Variants in WIPF2 observed in about 807,000 individuals in gnomAD.
WIPF2 encodes the protein WAS/WASL-interacting protein family member 2.
WIPF2 carries 23 observed loss-of-function variants against 38.8 expected under a neutral mutation model. The observed-to-expected ratio is 0.59, with a 90% confidence interval of 0.43 to 0.84. The LOEUF is 0.84. Among genes scored for constraint, WIPF2 ranks in the 40% least tolerant of loss-of-function variants. The pLI, the probability that WIPF2 is intolerant of heterozygous loss-of-function variation, is 0.00. For missense variants in WIPF2, 574 were observed against 580.5 expected (o/e 0.99, Z 0.11); for synonymous variants, 210 against 223.2 (o/e 0.94, Z 0.53).
intron 5 of WIPF2, among the ~76,000 whole-genome samples, chr17:40,266,499 T>G (rs2032092060): frequency 6.6e-6 from 1 of 151,440 alleles, no homozygotes; most frequent in Non-Finnish European, 1.5e-5. Flanking sequence ...TTCAGTGGAG[T>G]GGTGGAGGGT....
At chr17:40,251,338 A>ATT (rs199868665) in intron 1 of WIPF2, among the ~76,000 whole-genome samples, 18 of 140,262 alleles carry the variant, frequency 1.3e-4, no homozygotes, top group African/African-American at 4.2e-4. Flanking sequence ...GTTTTGGTTC[A>ATT]TTTTTTTTTT....
rs1359102715 is a variant in WIPF2 at position 40,242,297 on chromosome 17, G to GT, written c.-69-14092dup. ...TGAGAAGATTGCTTGAGCCTGGGAG[G>GT]TTAAGGCTGCAGTGAGCTGTGATTG... is the stretch of plus-strand genomic sequence containing the variant. On this transcript the variant is annotated intron_variant, in intron 1 of 7. Transcript: ENST00000323571. Among the ~76,000 whole-genome samples the GT allele has an allele frequency of 2.6e-5, 4 of 152,176 alleles. No homozygotes were observed. The East Asian group carries it at 7.7e-4, about 29-fold the overall frequency.
At chr17:40,256,597 TC>T in intron 2 of WIPF2, 75 bp downstream of exon 2, 3 of 1,506,918 alleles carry the variant, frequency 2.0e-6, no homozygotes, top group Non-Finnish European at 2.7e-6. Flanking sequence ...ACTTTTTTTT[TC>T]TTTTAACTCC....
In WIPF2 at chr17:40,278,780, G is replaced by C. The variant is rs2032482682; in HGVS notation, c.*555G>C. On this transcript the variant is annotated 3_prime_UTR_variant, in exon 8 of 8. Coordinates refer to ENST00000323571, the MANE Select transcript of WIPF2 (RefSeq NM_133264.5). ...AATTGGGTCTGCTTTATTTTTGGGG[G>C]TATTTTGTTTTTGTTCTCACCTGCT... 1 of 152,184 alleles carries C rather than the reference G, an allele frequency of 6.6e-6. No homozygotes were observed. Among genetic ancestry groups the C allele is most frequent in the African/African-American group, 2.4e-5 (1 of 41,376 alleles). The allele number at this position is 152,184 out of a possible 1,614,324, so 9.4% of individuals were successfully genotyped here. A position where few individuals can be genotyped will look rare whatever the true frequency, so the allele number is the denominator to read the frequency against.
intron 6 of WIPF2, among the ~76,000 whole-genome samples, chr17:40,276,207 G>A (rs547801384): frequency 1.8e-4 from 27 of 152,162 alleles, no homozygotes; most frequent in African/African-American, 5.1e-4. Context: ...TTGTTTTCCC[G>A]TGGTGACAGT....
chr17:40,257,514 A>G (rs1189451501), intron 2 of WIPF2, among the ~76,000 whole-genome samples: 2 of 151,988 alleles, frequency 1.3e-5, no homozygotes, highest in African/African-American at 4.8e-5. Context: ...GTGTCACATG[A>G]GAAGGAAGGA....
At position 40,219,383 on chromosome 17, in the gene WIPF2, C is replaced by T. The variant is rs796379644; in HGVS notation, c.-179C>T. 4 of 407,542 alleles carry T rather than the reference C, an allele frequency of 9.8e-6. No homozygotes were observed. The highest frequency in any genetic ancestry group is 2.4e-5 in the African/African-American group (1 of 41,788). The allele number at this position is 407,542 out of a possible 1,614,324, so 25.2% of individuals were successfully genotyped here. On this transcript the variant is annotated 5_prime_UTR_variant, in exon 1 of 8. Coordinates refer to ENST00000323571, the MANE Select transcript of WIPF2 (RefSeq NM_133264.5). ...AAAGGGGCGGTGGCGGCGGCGGCGG[C>T]GGCGGCGGCGGCGGCGACGGCGAGA...
intron 1 of WIPF2, among the ~76,000 whole-genome samples, chr17:40,232,279 T>TC (rs754551580): frequency 2.7e-5 from 4 of 146,384 alleles, no homozygotes; most frequent in Admixed American, 7.2e-5. Flanking sequence ...AGTCTGTGGC[T>TC]CCCAGGTTCA....
At chr17:40,267,268 A>C (rs1340454716) in intron 5 of WIPF2, among the ~76,000 whole-genome samples, 3 of 152,144 alleles carry the variant, frequency 2.0e-5, no homozygotes, top group Non-Finnish European at 4.4e-5. Flanking sequence ...TGCGACTCTA[A>C]GGGAGAGTGG....
chr17:40,222,578 T>C (rs1474598886), intron 1 of WIPF2, among the ~76,000 whole-genome samples: 1 of 149,590 alleles, frequency 6.7e-6, no homozygotes, highest in East Asian at 2.0e-4. Context: ...TGCTCATGTG[T>C]GTGTGTGTTT....
chr17:40,273,960 G>A lies in WIPF2; in HGVS notation c.1141G>A (p.Gly381Ser), dbSNP rs758041496. 2.5e-6 allele frequency: 4 copies of A among 1,586,782 alleles called. No individual in the cohort carries two copies. The African/African-American group carries it at 4.1e-5, about 16-fold the overall frequency. The change falls in exon 6 of 8, where the codon GGC becomes AGC. Residue 381 changes from glycine to serine, a missense_variant. Physicochemically the swap from Gly to Ser is moderately conservative, Grantham distance 56. Coordinates refer to ENST00000323571, the MANE Select transcript of WIPF2 (RefSeq NM_133264.5). ...PPPPPPPLRN[G>S]HRDSITTVRS... Reference sequence around the variant, plus strand: ...TCCTCCTCCACCGCCCCTGAGGAATGGCCACAGAGATTCTATCACCACTGT... The same window carrying A: ...TCCTCCTCCACCGCCCCTGAGGAATAGCCACAGAGATTCTATCACCACTGT...
chr17:40,238,626 T>A (rs1354504548), intron 1 of WIPF2, among the ~76,000 whole-genome samples: 1 of 151,882 alleles, frequency 6.6e-6, no homozygotes, highest in Non-Finnish European at 1.5e-5. Flanking sequence ...TATTATTATT[T>A]TTTTGAGACA....
chr17:40,247,207 G>GTTTTTTT (rs775838379), intron 1 of WIPF2, among the ~76,000 whole-genome samples: 1 of 116,962 alleles, frequency 8.5e-6, no homozygotes, highest in Non-Finnish European at 1.8e-5. Flanking sequence ...TTATTTCAGG[G>GTTTTTTT]TTTTTTTTTT....
Position 40,283,088 on chromosome 17 carries a change from A to C in WIPF2, c.*4863A>C, listed in dbSNP as rs959315802. ...GTAGTCCCAGCTACTCGGGAGGCCG[A>C]GGCAGGAAAATCACTTGAACCCAGG... On this transcript the variant is annotated 3_prime_UTR_variant, in exon 8 of 8. Coordinates refer to ENST00000323571, the MANE Select transcript of WIPF2 (RefSeq NM_133264.5). 1.5e-5 allele frequency: 2 copies of C among 134,426 alleles called. No individual in the cohort carries two copies. Among genetic ancestry groups the C allele is most frequent in the Non-Finnish European group, 3.1e-5 (2 of 64,442 alleles). The allele number at this position is 134,426 out of a possible 1,614,324, so 8.3% of individuals were successfully genotyped here.
intron 1 of WIPF2, among the ~76,000 whole-genome samples, chr17:40,243,546 C>T (rs2031261554): frequency 6.6e-6 from 1 of 151,584 alleles, no homozygotes; most frequent in African/African-American, 2.4e-5. Flanking sequence ...CAGAGTCTTG[C>T]TCTGTCGCCC....
chr17:40,219,835 T>A (rs1209862607), intron 1 of WIPF2: 1 of 152,486 alleles, frequency 6.6e-6, no homozygotes, highest in Non-Finnish European at 1.5e-5. Context: ...AGGCGGCAAC[T>A]CTGTGAGGAA....
intron 1 of WIPF2, among the ~76,000 whole-genome samples, chr17:40,250,914 CTTTT>C: frequency 3.3e-5 from 3 of 90,346 alleles, no homozygotes; most frequent in East Asian, 6.9e-4. Flanking sequence ...CTATTAGATT[CTTTT>C]TTTTTTTTTT....
rs140590107 is a variant in WIPF2 at position 40,264,600 on chromosome 17, C to T, written c.424C>T (p.Arg142Trp). The T allele has an allele frequency of 9.9e-6, 16 of 1,614,000 alleles. No individual in the cohort carries two copies. The highest frequency in any genetic ancestry group is 3.3e-5 in the Admixed American group (2 of 59,992). Residue 142 changes from arginine to tryptophan, a missense_variant, in exon 5 of 8, where the codon CGG becomes TGG. By Grantham distance (101) the Arg-to-Trp change is moderately radical. Coordinates refer to ENST00000323571, the MANE Select transcript of WIPF2 (RefSeq NM_133264.5). Reference sequence around the variant, plus strand: ...TCCTCAGGATGATACAGACAGCAGCCGGGCCTCACTCCCAGAACTGCCCCG... The same window carrying T: ...TCCTCAGGATGATACAGACAGCAGCTGGGCCTCACTCCCAGAACTGCCCCG... ...GRPQDDTDSS[R>W]ASLPELPRMQ...
intron 1 of WIPF2, among the ~76,000 whole-genome samples, chr17:40,240,290 C>A (rs991803264): frequency 2.0e-5 from 3 of 152,004 alleles, no homozygotes; most frequent in Admixed American, 6.6e-5. Flanking sequence ...GTCTCGAACC[C>A]TTGAGCTCAA....
Sources: gnomAD v4.1 joint callset for allele counts (sites outside exome capture counted in the v4.1 genomes callset) on GRCh38, gnomAD v4.1.1 for gene constraint, MANE v1.5 for transcripts, NCBI Gene and HGNC (gene_info 2026-07-23, HGNC 2026-07-21) for gene names.